FGFR2: variants seen among roughly 807,000 people sequenced by gnomAD.
FGFR2 encodes the protein fibroblast growth factor receptor 2.
A neutral mutation model predicts 95.9 loss-of-function variants in FGFR2; 19 were observed. The observed-to-expected ratio is 0.20, with a 90% CI of 0.14 to 0.29. The LOEUF is 0.29. Among genes scored for constraint, FGFR2 ranks in the 10% least tolerant of loss-of-function variants. FGFR2 has a pLI of 1.00. For synonymous variants in FGFR2, 392 were observed against 393.3 expected (o/e 1.00, Z 0.04); for missense variants, 707 against 1,056.9 (o/e 0.67, Z 4.59).
chr10:121,495,351 C>A (rs1025841623), intron 13 of FGFR2, among the ~76,000 whole-genome samples: 4 of 152,006 alleles, frequency 2.6e-5, no homozygotes, highest in Non-Finnish European at 5.9e-5. Flanking sequence ...CCCGTCTCTA[C>A]CAAAACAAAA....
At chr10:121,534,520 C>T (rs564883590) in intron 6 of FGFR2, among the ~76,000 whole-genome samples, 4 of 151,810 alleles carry the variant, frequency 2.6e-5, no homozygotes, top group African/African-American at 7.3e-5. Flanking sequence ...CTCAGCTTCC[C>T]GAGTAGCTGG....
rs572183105 is a variant in FGFR2 at position 121,568,125 on chromosome 10, A to G, written c.110-2421T>C. 8.1e-4 allele frequency among the ~76,000 whole-genome samples: 123 copies of G among 152,254 alleles called. 1 individual carries two copies. Among genetic ancestry groups the G allele is most frequent in the Middle Eastern group, 3.4e-3 (1 of 294 alleles). On this transcript the variant is annotated intron_variant, in intron 2 of 17. Coordinates refer to ENST00000358487, the MANE Select transcript of FGFR2 (RefSeq NM_000141.5). ...AAAAAGAAAGGAAGAGAAATATGAG[A>G]AGGAGGAGAAGACGGCAGGGATTCA...
Position 121,598,034 on chromosome 10 carries a change from G to A in FGFR2, c.-223C>T. The A allele has an allele frequency of 2.5e-6, 1 of 397,546 alleles. No individual in the cohort carries two copies. The highest frequency in any genetic ancestry group is 4.4e-6 in the Non-Finnish European group (1 of 225,342). 24.6% of individuals were successfully genotyped at this position (397,546 alleles called of 1,614,324 possible). On this transcript the variant is annotated 5_prime_UTR_variant, in exon 1 of 18. Transcript: ENST00000358487. ...CGTGGGTCGGGATGGAGAAAGCGAC[G>A]AGCCCGGGGTTGCGGGGAGCAACTC...
chr10:121,564,743 T>C (rs1180670121), intron 3 of FGFR2, among the ~76,000 whole-genome samples, 164 bp from the exon 4 acceptor site: 2 of 152,164 alleles, frequency 1.3e-5, no homozygotes, highest in Non-Finnish European at 2.9e-5. Flanking sequence ...GCTTAAATTT[T>C]CCCTCCATGA....
chr10:121,581,769 A>T (rs1377681026), intron 2 of FGFR2, among the ~76,000 whole-genome samples: 2 of 146,050 alleles, frequency 1.4e-5, no homozygotes, highest in Non-Finnish European at 3.0e-5. Flanking sequence ...TTTAAAAAAA[A>T]AAAAAAAAAA....
intron 4 of FGFR2, among the ~76,000 whole-genome samples, chr10:121,562,713 C>G (rs1857162584): frequency 6.6e-6 from 1 of 152,182 alleles, no homozygotes; most frequent in Admixed American, 6.5e-5. Context: ...ATGCATCTTA[C>G]TAAGTCAAAG....
intron 4 of FGFR2, among the ~76,000 whole-genome samples, chr10:121,555,731 C>T (rs998142432): frequency 1.3e-5 from 2 of 152,156 alleles, no homozygotes; most frequent in African/African-American, 2.4e-5. Context: ...TCAATTAAAT[C>T]CCATCACCAG....
At chr10:121,547,093 G>C (rs1179431873) in intron 5 of FGFR2, among the ~76,000 whole-genome samples, 4 of 152,010 alleles carry the variant, frequency 2.6e-5, no homozygotes, top group Non-Finnish European at 5.9e-5. Flanking sequence ...GTGTGGTGGC[G>C]GGCACCTGTA....
intron 6 of FGFR2, 83 bp downstream of exon 6, chr10:121,538,509 C>A (rs777737733): frequency 1.3e-6 from 2 of 1,572,490 alleles, no homozygotes; most frequent in Admixed American, 1.7e-5. Context: ...ATGGGAGAAA[C>A]AGGACTTAAC....
rs1844449141 is a variant in FGFR2, at chr10:121,479,898, G to A, written c.2425C>T (p.Leu809Phe). 1 of 1,614,162 alleles carries A rather than the reference G, an allele frequency of 6.2e-7. No individual in the cohort carries two copies. The highest frequency in any genetic ancestry group is 8.5e-7 in the Non-Finnish European group (1 of 1,180,040). Reference sequence around the variant, plus strand: ...CCGTTTATGTGTGGATACTGAGGAAGGCATGGTTCGTAAGGCATGGGGTCT... The same window carrying A: ...CCGTTTATGTGTGGATACTGAGGAAAGCATGGTTCGTAAGGCATGGGGTCT... ...SPDPMPYEPC[L>F]PQYPHINGSV... The change falls in exon 18 of 18, where the codon CTT (leucine) becomes TTT (phenylalanine). Residue 809 changes from leucine (L) to phenylalanine (F), a missense_variant. Transcript: ENST00000358487.
chr10:121,551,497 A>G (rs1855405120), intron 4 of FGFR2, 38 bp from the exon 5 acceptor site: 4 of 1,592,026 alleles, frequency 2.5e-6, no homozygotes, highest in Non-Finnish European at 3.4e-6. Flanking sequence ...ATACTGATGG[A>G]CAGCTTCCCC....
chr10:121,493,338 G>A (rs563071683), intron 13 of FGFR2, among the ~76,000 whole-genome samples: 11 of 152,206 alleles, frequency 7.2e-5, no homozygotes, highest in African/African-American at 2.4e-4. Context: ...AGCAAAGTTC[G>A]TCTCTTAGTT....
chr10:121,519,933 A>G (rs2134305218), intron 7 of FGFR2, 46 bp downstream of exon 7: 1 of 1,594,692 alleles, frequency 6.3e-7, no homozygotes, highest in Middle Eastern at 1.7e-4. Context: ...CAAACCCATG[A>G]AGGAGACCCC....
chr10:121,512,185 C>T (rs1348417608), intron 9 of FGFR2, among the ~76,000 whole-genome samples: 1 of 152,218 alleles, frequency 6.6e-6, no homozygotes, highest in Non-Finnish European at 1.5e-5. Context: ...CAGGTAAAGG[C>T]ATGCTTGGCA....
intron 1 of FGFR2, 88 bp downstream of exon 1, chr10:121,597,874 G>C (rs2135541708): frequency 2.6e-6 from 1 of 385,240 alleles, no homozygotes; most frequent in Non-Finnish European, 4.6e-6. Context: ...CCCCCGCCCG[G>C]AGGACGGTGC....
rs1379779733 is a variant in FGFR2, at chr10:121,485,976, T to C, written c.2058-444A>G. ...CCTGTGTGGCTGGCGGAACATCTGC[T>C]GCACAGAGGCTCTGGAACTTACTAA... On this transcript the variant is annotated intron_variant, in intron 15 of 17. Transcript: ENST00000358487. This position sits in a 1 kb window ranked among gnomAD's most constrained non-coding sequence, Gnocchi z 4.2. Among the ~76,000 whole-genome samples, 2 of 152,214 alleles carry C rather than the reference T, an allele frequency of 1.3e-5. No homozygotes were observed. Among genetic ancestry groups the C allele is most frequent in the Non-Finnish European group, 2.9e-5 (2 of 68,040 alleles).
chr10:121,534,680 C>A (rs1852579464), intron 6 of FGFR2, among the ~76,000 whole-genome samples: 1 of 152,172 alleles, frequency 6.6e-6, no homozygotes, highest in African/African-American at 2.4e-5. Flanking sequence ...CAGGTGTGAG[C>A]CACCATGCCC....
At chr10:121,581,595 AAAAG>A (rs1172351953) in intron 2 of FGFR2, among the ~76,000 whole-genome samples, 6 of 151,484 alleles carry the variant, frequency 4.0e-5, no homozygotes, top group Non-Finnish European at 7.4e-5. Flanking sequence ...AAAAAAGAAA[AAAAG>A]AAAGAAAAAA....
At position 121,480,425 on chromosome 10, in the gene FGFR2, A is replaced by G. The variant is rs771608766; in HGVS notation, c.2302-404T>C. ...TGAGTCTACACCACCTCCTCACTAG[A>G]GCCCTTGCTTCAAATGCGAGCCCCA... On this transcript the variant is annotated intron_variant, in intron 17 of 17. Coordinates refer to ENST00000358487, the MANE Select transcript of FGFR2 (RefSeq NM_000141.5). The G allele has an allele frequency of 9.7e-6, 3 of 309,972 alleles. No individual in the cohort carries two copies. The Admixed American group carries it at 1.3e-4, about 14-fold the overall frequency. 19.2% of individuals were successfully genotyped at this position (309,972 alleles called of 1,614,324 possible). A position where few individuals can be genotyped will look rare whatever the true frequency, so the allele number is the denominator to read the frequency against.
Sources: gnomAD v4.1 joint callset for allele counts (sites outside exome capture counted in the v4.1 genomes callset) on GRCh38, gnomAD v4.1.1 for gene constraint, Gnocchi (gnomAD v3.1) non-coding constraint, MANE v1.5 for transcripts, NCBI Gene and HGNC (gene_info 2026-07-23, HGNC 2026-07-21) for gene names.